MACROD2: variants seen among roughly 807,000 people sequenced by gnomAD.
MACROD2 encodes ADP-ribose glycohydrolase MACROD2.
In MACROD2, 36 loss-of-function variants were observed where a neutral mutation model predicts 70.4. The ratio of observed to expected loss-of-function variants is 0.51; its 90% CI spans 0.39 to 0.68. The LOEUF (loss-of-function observed/expected upper bound fraction) is 0.68, where lower values mean the gene tolerates loss of function less well. MACROD2 is among the 30% of genes least tolerant of loss of function. The probability of loss-of-function intolerance (pLI) is 0.00; values close to 1 mark genes in which losing one functional copy is unlikely to be tolerated. For synonymous variants in MACROD2, 172 were observed against 178.8 expected, an observed-to-expected ratio of 0.96 and a Z score of 0.30; for missense variants, 496 against 538.4, an observed-to-expected ratio of 0.92 and a Z score of 0.78.
intron 5 of MACROD2, among the ~76,000 whole-genome samples, chr20:15,181,169 C>T (rs1181121140): frequency 1.3e-5 from 2 of 152,172 alleles, no homozygotes; most frequent in Non-Finnish European, 2.9e-5. Context: ...GGTTTCACAT[C>T]CTACACAGAC....
chr20:15,878,693 A>T lies in MACROD2; in HGVS notation c.728-7071A>T, dbSNP rs141343675. Among the ~76,000 whole-genome samples, 31 of 152,226 alleles carry T rather than the reference A, an allele frequency of 2.0e-4. 1 individual carries two copies. In the East Asian group the frequency reaches 6.0e-3, roughly 29 times the overall value. ...GTGGACTATTTGCTGTTGGGAAATG[A>T]CAGGTACCTGCTCAGAAGACAAGTA... is the stretch of plus-strand genomic sequence containing the variant. On this transcript the variant is annotated intron_variant, in intron 9 of 17. Transcript: ENST00000684519.
intron 5 of MACROD2, among the ~76,000 whole-genome samples, chr20:14,741,004 G>T (rs757039971): frequency 9.9e-5 from 15 of 152,172 alleles, no homozygotes; most frequent in South Asian, 2.1e-4. Flanking sequence ...TATTATATTG[G>T]ATTTCTGTGA....
intron 5 of MACROD2, among the ~76,000 whole-genome samples, chr20:14,924,121 C>T (rs1214493569): frequency 2.0e-5 from 3 of 151,976 alleles, no homozygotes; most frequent in Non-Finnish European, 4.4e-5. Flanking sequence ...CTTGCTTTTT[C>T]ATAAAAAAGT....
At chr20:14,702,963 C>T (rs12480609) in intron 5 of MACROD2, among the ~76,000 whole-genome samples, 2 of 151,450 alleles carry the variant, frequency 1.3e-5, no homozygotes, top group African/African-American at 2.4e-5. Context: ...CCTGACCTTA[C>T]GTGATCTGCC....
At chr20:14,460,003 G>T (rs992442447) in intron 3 of MACROD2, among the ~76,000 whole-genome samples, 12 of 152,036 alleles carry the variant, frequency 7.9e-5, no homozygotes, top group African/African-American at 2.7e-4. Flanking sequence ...GTGTTAGTTT[G>T]CTGAGAATGA....
intron 2 of MACROD2, among the ~76,000 whole-genome samples, chr20:14,010,442 T>C (rs1443809550): frequency 6.6e-6 from 1 of 152,184 alleles, no homozygotes; most frequent in Admixed American, 6.5e-5. Context: ...GTGATGCAGC[T>C]TCACAGAAAT....
chr20:15,636,454 T>C lies in MACROD2; in HGVS notation c.645+136607T>C, dbSNP rs556244809. Among the ~76,000 whole-genome samples, 4 of 152,342 alleles carry C rather than the reference T, an allele frequency of 2.6e-5. No individual in the cohort carries two copies. The East Asian group carries it at 7.7e-4, about 29-fold the overall frequency. On this transcript the variant is annotated intron_variant, in intron 8 of 17. Transcript: ENST00000684519. ...TTCTTTAGCCCATTCAATTTGTTCA[T>C]CCATTATTTTTTGTATGCATCATCT...
In MACROD2 at chr20:14,837,151, A is replaced by G. The variant is rs546266922; in HGVS notation, c.418+152192A>G. ...AAAGACTAAAGTGGAAGTGTTTATT[A>G]TGTATGCATAATAAATATCTAGAAA... On this transcript the variant is annotated intron_variant, in intron 5 of 17. Coordinates refer to ENST00000684519, the MANE Select transcript of MACROD2 (RefSeq NM_001351661.2). Among the ~76,000 whole-genome samples the G allele has an allele frequency of 1.4e-4, 22 of 152,160 alleles. No individual in the cohort carries two copies. In the South Asian group the frequency reaches 4.1e-3, roughly 29 times the overall value.
At chr20:15,204,452 C>T (rs2076684164) in intron 5 of MACROD2, among the ~76,000 whole-genome samples, 2 of 152,062 alleles carry the variant, frequency 1.3e-5, no homozygotes, top group South Asian at 4.1e-4. Flanking sequence ...TTATTATTAG[C>T]TCTCTGAATT....
At chr20:15,181,436 A>T (rs562109376) in intron 5 of MACROD2, among the ~76,000 whole-genome samples, 1 of 152,202 alleles carries the variant, frequency 6.6e-6, no homozygotes, top group African/African-American at 2.4e-5. Context: ...CTGGATTAAT[A>T]TTGTCATTAA....
At chr20:14,422,035 T>C (rs1054793221) in intron 3 of MACROD2, among the ~76,000 whole-genome samples, 4 of 152,204 alleles carry the variant, frequency 2.6e-5, no homozygotes, top group African/African-American at 9.6e-5. Context: ...TATGTAGAAC[T>C]ATTTCTTCCT....
chr20:14,399,138 G>A (rs1037106728), intron 3 of MACROD2, among the ~76,000 whole-genome samples: 2 of 151,518 alleles, frequency 1.3e-5, no homozygotes, highest in African/African-American at 4.9e-5. Flanking sequence ...TCCTGCCTCA[G>A]CCTTCCGAGT....
intron 5 of MACROD2, among the ~76,000 whole-genome samples, chr20:15,202,864 G>A (rs1363846717): frequency 6.6e-6 from 1 of 152,114 alleles, no homozygotes; most frequent in Admixed American, 6.5e-5. Context: ...AAATCATTTT[G>A]ATGTTTTTAG....
At chr20:15,247,013 G>A (rs2077111940) in intron 6 of MACROD2, among the ~76,000 whole-genome samples, 2 of 152,138 alleles carry the variant, frequency 1.3e-5, no homozygotes, top group African/African-American at 4.8e-5. Flanking sequence ...GTAGATTAAC[G>A]GTTGTCAGAG....
intron 9 of MACROD2, among the ~76,000 whole-genome samples, chr20:15,881,147 A>G (rs563784019): frequency 6.6e-6 from 1 of 152,114 alleles, no homozygotes; most frequent in Admixed American, 6.6e-5. Context: ...TTATTTGACT[A>G]GCAAAAATAG....
chr20:15,797,179 T>C (rs4292145), intron 8 of MACROD2, among the ~76,000 whole-genome samples: 43,282 of 152,000 alleles, frequency 0.28, 6,647 homozygotes, highest in East Asian at 0.45. Context: ...AGTGGCGTGA[T>C]CTCGGCTCAC....
chr20:15,074,226 C>G (rs1040010960), intron 5 of MACROD2, among the ~76,000 whole-genome samples: 4 of 152,162 alleles, frequency 2.6e-5, no homozygotes, highest in African/African-American at 9.7e-5. Flanking sequence ...AGGGTTGAGA[C>G]TTTTCAGCCC....
intron 6 of MACROD2, among the ~76,000 whole-genome samples, chr20:15,320,145 G>A (rs1362070358): frequency 6.6e-6 from 1 of 152,024 alleles, no homozygotes; most frequent in African/African-American, 2.4e-5. Flanking sequence ...TGGAGGTTGC[G>A]GTGAGCCAAG....
chr20:14,774,801 A>G (rs2072213412), intron 5 of MACROD2, among the ~76,000 whole-genome samples: 1 of 152,134 alleles, frequency 6.6e-6, no homozygotes. Context: ...ATATAATACT[A>G]CACAGTTTTC....
Sources: gnomAD v4.1 joint callset for allele counts (sites outside exome capture counted in the v4.1 genomes callset) on GRCh38, gnomAD v4.1.1 for gene constraint, MANE v1.5 for transcripts, NCBI Gene and HGNC (gene_info 2026-07-23, HGNC 2026-07-21) for gene names.